Variants in CSNK1G1 observed in about 807,000 individuals in gnomAD.
CSNK1G1 encodes the protein casein kinase 1 gamma 1.
Under a neutral mutation model 59.6 loss-of-function variants are expected in CSNK1G1, and 22 were observed. The ratio of observed to expected loss-of-function variants is 0.37; its 90% CI spans 0.26 to 0.53. CSNK1G1 has a LOEUF of 0.53. Among genes scored for constraint, CSNK1G1 ranks in the 20% least tolerant of loss-of-function variants. CSNK1G1 has a pLI of 0.89. For missense variants in CSNK1G1, 384 were observed against 519.5 expected (o/e 0.74, Z 2.54); for synonymous variants, 179 against 177.1 (o/e 1.01, Z -0.08).
chr15:64,185,486 T>C (rs2081880128), intron 10 of CSNK1G1, among the ~76,000 whole-genome samples: 1 of 152,220 alleles, frequency 6.6e-6, no homozygotes, highest in South Asian at 2.1e-4. Context: ...AGGAAGCTGG[T>C]AAAACTTAGT....
At chr15:64,333,642 T>C (rs968548296) in intron 1 of CSNK1G1, among the ~76,000 whole-genome samples, 4 of 151,950 alleles carry the variant, frequency 2.6e-5, no homozygotes, top group African/African-American at 7.3e-5. Context: ...AAGGTACAAA[T>C]TGGCAAAATG....
chr15:64,333,390 A>T (rs1897219098), intron 1 of CSNK1G1, among the ~76,000 whole-genome samples: 1 of 129,700 alleles, frequency 7.7e-6, no homozygotes, highest in Non-Finnish European at 1.6e-5. Context: ...ACTTGAATCC[A>T]GGAGTTCAAG....
intron 1 of CSNK1G1, among the ~76,000 whole-genome samples, chr15:64,335,059 A>T (rs1897315100): frequency 6.6e-6 from 1 of 152,202 alleles, no homozygotes; most frequent in Non-Finnish European, 1.5e-5. Flanking sequence ...AGTACTGCTC[A>T]GTTCACATAA....
At chr15:64,217,729 T>C (rs2082330508) in intron 4 of CSNK1G1, among the ~76,000 whole-genome samples, 1 of 150,820 alleles carries the variant, frequency 6.6e-6, no homozygotes, top group Non-Finnish European at 1.5e-5. Flanking sequence ...GACAGGAGAA[T>C]CGTTTGAACT....
chr15:64,300,148 T>C (rs1895248102), intron 2 of CSNK1G1, among the ~76,000 whole-genome samples, 171 bp downstream of exon 2: 1 of 152,188 alleles, frequency 6.6e-6, no homozygotes, highest in African/African-American at 2.4e-5. Context: ...GAGCCTTGGA[T>C]AACAAATAAT....
intron 7 of CSNK1G1, among the ~76,000 whole-genome samples, chr15:64,207,236 C>T (rs911175527): frequency 6.6e-5 from 10 of 152,140 alleles, no homozygotes; most frequent in Admixed American, 6.5e-4. Context: ...TCTCCAGAGC[C>T]AATTAGCCAA....
At chr15:64,274,143 G>A (rs1893476082) in intron 2 of CSNK1G1, among the ~76,000 whole-genome samples, 1 of 151,926 alleles carries the variant, frequency 6.6e-6, no homozygotes, top group Non-Finnish European at 1.5e-5. Flanking sequence ...TCAAATACAT[G>A]TTACCCTTTT....
At chr15:64,339,215 T>C (rs1454242457) in intron 1 of CSNK1G1, among the ~76,000 whole-genome samples, 2 of 152,194 alleles carry the variant, frequency 1.3e-5, no homozygotes, top group African/African-American at 4.8e-5. Flanking sequence ...TCTGCAAATC[T>C]GCTGAAAATG....
intron 4 of CSNK1G1, among the ~76,000 whole-genome samples, chr15:64,229,925 T>TTTTTTTTTTTTTTG: frequency 9.7e-6 from 1 of 102,834 alleles, no homozygotes; most frequent in Non-Finnish European, 2.1e-5. Flanking sequence ...TTTTTTTTTT[T>TTTTTTTTTTTTTTG]TTTTTTTTTT....
intron 3 of CSNK1G1, among the ~76,000 whole-genome samples, chr15:64,257,050 A>AG (rs139123186): frequency 0.012 from 1,858 of 152,096 alleles, 28 homozygotes; most frequent in African/African-American, 0.043. Context: ...GAAGCCCAAA[A>AG]GCAAGAATGA....
intron 1 of CSNK1G1, among the ~76,000 whole-genome samples, chr15:64,335,494 G>A (rs1269649253): frequency 6.6e-6 from 1 of 151,994 alleles, no homozygotes; most frequent in Non-Finnish European, 1.5e-5. Context: ...AACACAAAAA[G>A]GCAGCCTTGA....
chr15:64,282,160 T>G (rs780366873), intron 2 of CSNK1G1, among the ~76,000 whole-genome samples: 3 of 152,092 alleles, frequency 2.0e-5, no homozygotes, highest in Non-Finnish European at 4.4e-5. Flanking sequence ...AATGCCTGGC[T>G]TCAAGTGATC....
intron 2 of CSNK1G1, among the ~76,000 whole-genome samples, chr15:64,264,508 T>C (rs541448226): frequency 6.6e-6 from 1 of 152,324 alleles, no homozygotes; most frequent in Admixed American, 6.5e-5. Context: ...AGGGGAATAA[T>C]ACTTCTAAAC....
At chr15:64,213,793 A>G in intron 6 of CSNK1G1, 97 bp downstream of exon 6, 1 of 860,334 alleles carries the variant, frequency 1.2e-6, no homozygotes, top group Non-Finnish European at 1.9e-6. Context: ...GAAACAATAA[A>G]AACCACAAGT....
At chr15:64,299,548 C>T (rs1433123565) in intron 2 of CSNK1G1, among the ~76,000 whole-genome samples, 7 of 151,182 alleles carry the variant, frequency 4.6e-5, no homozygotes, top group Non-Finnish European at 8.8e-5. Flanking sequence ...GCCGAGATCG[C>T]GCCACTGCAC....
Position 64,270,239 on chromosome 15 carries a change from T to C in CSNK1G1, c.182-10998A>G, listed in dbSNP as rs529624581. ...AGTGGCCTATTTATCAATTTTTTTT[T>C]TCAAGAAACCAACTTCTAGATTTGT... On this transcript the variant is annotated intron_variant, in intron 2 of 11. Coordinates refer to ENST00000303052, the MANE Select transcript of CSNK1G1 (RefSeq NM_022048.5). Among the ~76,000 whole-genome samples the C allele has an allele frequency of 3.3e-5, 5 of 152,346 alleles. No homozygotes were observed. The East Asian group carries it at 7.7e-4, about 23-fold the overall frequency.
chr15:64,312,222 T>C (rs555942663), intron 1 of CSNK1G1, among the ~76,000 whole-genome samples: 9 of 152,264 alleles, frequency 5.9e-5, no homozygotes, highest in South Asian at 2.1e-4. Context: ...CAAGCTACCA[T>C]TGACTTCCTT....
At chr15:64,190,274 G>A (rs972194919) in intron 10 of CSNK1G1, among the ~76,000 whole-genome samples, 5 of 152,102 alleles carry the variant, frequency 3.3e-5, no homozygotes, top group African/African-American at 1.2e-4. Context: ...TAAATGAGGG[G>A]TTTGATTTTA....
intron 11 of CSNK1G1, among the ~76,000 whole-genome samples, chr15:64,177,422 G>GA (rs1455443436): frequency 6.6e-6 from 1 of 152,172 alleles, no homozygotes; most frequent in Non-Finnish European, 1.5e-5. Context: ...CAAAGGCCAA[G>GA]AAAAATAACA....
Sources: gnomAD v4.1 joint callset for allele counts (sites outside exome capture counted in the v4.1 genomes callset) on GRCh38, gnomAD v4.1.1 for gene constraint, MANE v1.5 for transcripts, NCBI Gene and HGNC (gene_info 2026-07-23, HGNC 2026-07-21) for gene names.